Variants in FHOD3 observed in about 807,000 individuals in gnomAD.
FHOD3 encodes the protein formin homology 2 domain containing 3.
A neutral mutation model predicts 173.0 loss-of-function variants in FHOD3; 90 were observed. The ratio of observed to expected loss-of-function variants is 0.52; its 90% CI spans 0.44 to 0.62. FHOD3 has a LOEUF of 0.62. FHOD3 is among the 20% of genes least tolerant of loss of function. FHOD3 has a pLI of 0.00. For synonymous variants in FHOD3, 828 were observed against 823.0 expected, an observed-to-expected ratio of 1.01 and a Z score of -0.10; for missense variants, 1,945 against 2,034.7, an observed-to-expected ratio of 0.96 and a Z score of 0.85.
At chr18:36,760,904 A>C (rs2042849104) in intron 27 of FHOD3, 122 bp downstream of exon 27, 1 of 980,750 alleles carries the variant, frequency 1.0e-6, no homozygotes, top group Non-Finnish European at 1.4e-6. Flanking sequence ...GTGCCAACCT[A>C]ACCACACACA....
chr18:36,721,895 G>A lies in FHOD3; in HGVS notation c.3417+3180G>A, dbSNP rs185418015. On this transcript the variant is annotated intron_variant, in intron 19 of 28. Coordinates refer to ENST00000590592, the MANE Select transcript of FHOD3 (RefSeq NM_001281740.3). ...AAGACAGCACAAAACAAAGAGAATTGGTTTTAGGTTTCATCAAAAAAAGTA... is the reference window on the plus strand; with the variant it reads ...AAGACAGCACAAAACAAAGAGAATTAGTTTTAGGTTTCATCAAAAAAAGTA... 5.3e-4 allele frequency among the ~76,000 whole-genome samples: 80 copies of A among 152,180 alleles called. No homozygotes were observed. In the East Asian group the frequency reaches 0.015, roughly 28 times the overall value.
chr18:36,516,306 TGAG>T (rs2055972429), intron 5 of FHOD3, among the ~76,000 whole-genome samples: 2 of 152,172 alleles, frequency 1.3e-5, no homozygotes, highest in Non-Finnish European at 2.9e-5. Context: ...CACAGTTCCC[TGAG>T]GAGAAGACAC....
intron 6 of FHOD3, among the ~76,000 whole-genome samples, chr18:36,585,336 T>G (rs76995221): frequency 6.0e-4 from 92 of 152,316 alleles, no homozygotes; most frequent in African/African-American, 2.1e-3. Context: ...AGTGCCAGCT[T>G]CTTCATTAGG....
chr18:36,611,500 C>T (rs2032671167), intron 8 of FHOD3, among the ~76,000 whole-genome samples: 1 of 152,164 alleles, frequency 6.6e-6, no homozygotes, highest in South Asian at 2.1e-4. Flanking sequence ...TTGCTCCTGC[C>T]TCGAGGCCAG....
chr18:36,539,906 A>G lies in FHOD3; in HGVS notation c.511+27363A>G, dbSNP rs114981126. On this transcript the variant is annotated intron_variant, in intron 5 of 28. Coordinates refer to ENST00000590592, the MANE Select transcript of FHOD3 (RefSeq NM_001281740.3). ...GGCAATAGGGGAGTAGCTTGAGGAA[A>G]CACACTGCACATCCCTTGAAGCCTT... is the stretch of plus-strand genomic sequence containing the variant. Among the ~76,000 whole-genome samples, 813 of 152,232 alleles carry G rather than the reference A, an allele frequency of 5.3e-3. 7 individuals carry two copies. Among genetic ancestry groups the G allele is most frequent in the African/African-American group, 0.019 (782 of 41,522 alleles).
At chr18:36,687,293 T>C in intron 16 of FHOD3, 115 bp downstream of exon 16, 2 of 766,916 alleles carry the variant, frequency 2.6e-6, no homozygotes, top group Admixed American at 5.3e-5. Flanking sequence ...AAACCTTACA[T>C]AGCTGGCATT....
At chr18:36,458,244 G>T (rs1174915115) in intron 3 of FHOD3, among the ~76,000 whole-genome samples, 3 of 152,322 alleles carry the variant, frequency 2.0e-5, no homozygotes, top group African/African-American at 7.2e-5. Context: ...AAGGAAGGAA[G>T]AGGGACGTGG....
rs1234502927 is a variant in FHOD3, at chr18:36,602,697, A to G, written c.742A>G (p.Met248Val). 13 of 1,614,048 alleles carry G rather than the reference A, an allele frequency of 8.1e-6. No homozygotes were observed. The highest frequency in any genetic ancestry group is 1.1e-5 in the Non-Finnish European group (13 of 1,179,968). Residue 248 changes from methionine (M) to valine (V), a missense_variant, in exon 8 of 29, where the codon ATG (methionine) becomes GTG (valine). Coordinates refer to ENST00000590592, the MANE Select transcript of FHOD3 (RefSeq NM_001281740.3). ...KRGVKPWSNI[M>V]EILEEKDGVD... Reference sequence around the variant, plus strand: ...AGGGGTCAAACCTTGGTCAAATATCATGGAAATCCTGGAGGAAAAAGATGG... The same window carrying G: ...AGGGGTCAAACCTTGGTCAAATATCGTGGAAATCCTGGAGGAAAAAGATGG...
chr18:36,439,520 AAT>A (rs1491444723), intron 3 of FHOD3, among the ~76,000 whole-genome samples: 178 of 73,486 alleles, frequency 2.4e-3, no homozygotes, highest in African/African-American at 8.0e-3. Context: ...AAACCAATAG[AAT>A]GTGTGTGTGT....
chr18:36,721,011 C>T (rs918043874), intron 19 of FHOD3, among the ~76,000 whole-genome samples: 2 of 152,180 alleles, frequency 1.3e-5, no homozygotes, highest in African/African-American at 4.8e-5. Context: ...TCACCTACCT[C>T]CCTCCTTCTC....
chr18:36,715,245 G>A (rs771854868), intron 18 of FHOD3, among the ~76,000 whole-genome samples: 102 of 152,322 alleles, frequency 6.7e-4, no homozygotes, highest in Admixed American at 2.0e-3. Flanking sequence ...CCCCCATCCT[G>A]TTCTCATGAT....
At position 36,718,367 on chromosome 18, in the gene FHOD3, C is replaced by T. The variant is rs1352642926; in HGVS notation, c.3069C>T (p.Pro1023=). The part of the protein sequence containing the change: ...LGHREAPGPP[P]PPPPTFLGLP... Reference sequence around the variant, plus strand: ...ACAGGGAGGCCCCTGGGCCACCTCCCCCACCCCCACCCACCTTTCTGGGTT... The same window carrying T: ...ACAGGGAGGCCCCTGGGCCACCTCCTCCACCCCCACCCACCTTTCTGGGTT... The change falls in exon 19 of 29, where the codon CCC becomes CCT. Residue 1023 remains proline (P), a synonymous_variant. Coordinates refer to ENST00000590592, the MANE Select transcript of FHOD3 (RefSeq NM_001281740.3). 2 of 1,582,684 alleles carry T rather than the reference C, an allele frequency of 1.3e-6. No homozygotes were observed. The highest frequency in any genetic ancestry group is 1.7e-6 in the Non-Finnish European group (2 of 1,163,338).
chr18:36,470,277 C>T (rs2053204314), intron 3 of FHOD3, among the ~76,000 whole-genome samples: 1 of 152,224 alleles, frequency 6.6e-6, no homozygotes, highest in South Asian at 2.1e-4. Context: ...GCCTATCACA[C>T]AGAAGATGCT....
intron 10 of FHOD3, among the ~76,000 whole-genome samples, chr18:36,642,359 C>T (rs1291753559): frequency 4.6e-5 from 7 of 152,004 alleles, no homozygotes; most frequent in African/African-American, 1.7e-4. Flanking sequence ...GTGGTTCATG[C>T]CTGTAATCCC....
At chr18:36,710,554 A>AT (rs778963618) in intron 18 of FHOD3, 7 of 152,166 alleles carry the variant, frequency 4.6e-5, no homozygotes, top group African/African-American at 1.7e-4. Context: ...TACTATTTGG[A>AT]TTTTTTCCCA....
At chr18:36,354,830 T>C (rs12970228) in intron 1 of FHOD3, among the ~76,000 whole-genome samples, 42,236 of 150,862 alleles carry the variant, frequency 0.28, 6,145 homozygotes, top group Admixed American at 0.35. Flanking sequence ...TAAAAATTTT[T>C]AAAAATGAGA....
At chr18:36,728,830 A>C (rs2041205705) in intron 19 of FHOD3, among the ~76,000 whole-genome samples, 1 of 152,168 alleles carries the variant, frequency 6.6e-6, no homozygotes, top group South Asian at 2.1e-4. Context: ...GTGAGGCCTC[A>C]GTGCAGGAGA....
intron 15 of FHOD3, among the ~76,000 whole-genome samples, chr18:36,685,507 G>A (rs1393620833): frequency 6.6e-6 from 1 of 152,148 alleles, no homozygotes; most frequent in Non-Finnish European, 1.5e-5. Flanking sequence ...GCATCTAAAA[G>A]TTGTTCTTTA....
intron 20 of FHOD3, among the ~76,000 whole-genome samples, chr18:36,738,966 AG>A (rs145387247): frequency 0.038 from 5,783 of 152,332 alleles, 136 homozygotes; most frequent in Non-Finnish European, 0.059. Context: ...GGAGAGCAGC[AG>A]GACTTGTTTT....
Sources: allele counts gnomAD v4.1 joint callset (sites outside exome capture counted in the v4.1 genomes callset), GRCh38; gene constraint gnomAD v4.1.1; transcripts MANE v1.5; gene names NCBI Gene and HGNC (gene_info 2026-07-23, HGNC 2026-07-21).